CYP4F2: variants seen among roughly 807,000 people sequenced by gnomAD.
CYP4F2 encodes cytochrome P450 4F2.
Under a neutral mutation model 58.9 loss-of-function variants are expected in CYP4F2, and 58 were observed. The ratio of observed to expected loss-of-function variants is 0.98; its 90% CI spans 0.80 to 1.23. The LOEUF (loss-of-function observed/expected upper bound fraction) is 1.23, where lower values mean the gene tolerates loss of function less well. CYP4F2 is among the 50% of genes most tolerant of loss of function. The probability of loss-of-function intolerance (pLI) is 0.00; values close to 1 mark genes in which losing one functional copy is unlikely to be tolerated. For missense variants in CYP4F2, 616 were observed against 685.6 expected (o/e 0.90, Z 1.13); for synonymous variants, 287 against 261.1 (o/e 1.10, Z -0.95).
At chr19:15,886,920 C>T (rs1298014941) in intron 7 of CYP4F2, among the ~76,000 whole-genome samples, 1 of 152,224 alleles carries the variant, frequency 6.6e-6, no homozygotes, top group East Asian at 1.9e-4. Flanking sequence ...GATGCAAACT[C>T]TGCTGCACAT....
Position 15,878,738 on chromosome 19 carries a change from T to A in CYP4F2, c.*33A>T, listed in dbSNP as rs1447277898. 3 of 1,609,062 alleles carry A rather than the reference T, an allele frequency of 1.9e-6. No homozygotes were observed. The highest frequency in any genetic ancestry group is 2.5e-6 in the Non-Finnish European group (3 of 1,177,180). On this transcript the variant is annotated 3_prime_UTR_variant, in exon 13 of 13. Coordinates refer to ENST00000221700, the MANE Select transcript of CYP4F2 (RefSeq NM_001082.5). Reference sequence around the variant, plus strand: ...TTCACTTTTGATGAATCAGGGGTCATTTTAGTGGGGTCAGAGTGGGTCTCT... The same window carrying A: ...TTCACTTTTGATGAATCAGGGGTCAATTTAGTGGGGTCAGAGTGGGTCTCT...
chr19:15,884,116 AAG>A (rs2089361434), intron 9 of CYP4F2, among the ~76,000 whole-genome samples: 1 of 151,890 alleles, frequency 6.6e-6, no homozygotes, highest in Non-Finnish European at 1.5e-5. Flanking sequence ...GGGAGGGAGG[AAG>A]GAAGGAAGGA....
chr19:15,884,739 T>C (rs2089366011), intron 9 of CYP4F2, among the ~76,000 whole-genome samples: 1 of 152,170 alleles, frequency 6.6e-6, no homozygotes, highest in African/African-American at 2.4e-5. Context: ...GGACACTGAA[T>C]CCAAGACATC....
At chr19:15,880,619 A>C (rs1478513966) in intron 9 of CYP4F2, among the ~76,000 whole-genome samples, 3 of 145,160 alleles carry the variant, frequency 2.1e-5, no homozygotes, top group African/African-American at 8.4e-5. Flanking sequence ...TAGAGACTGC[A>C]TCTCAAAAAA....
chr19:15,897,171 A>T (rs2089452710), intron 2 of CYP4F2, among the ~76,000 whole-genome samples: 1 of 152,078 alleles, frequency 6.6e-6, no homozygotes, highest in African/African-American at 2.4e-5. Flanking sequence ...GAGGTGCATT[A>T]ATGTGGGAAG....
intron 2 of CYP4F2, 113 bp from the exon 3 acceptor site, chr19:15,895,763 A>T: frequency 7.5e-7 from 1 of 1,329,712 alleles, no homozygotes; most frequent in Non-Finnish European, 1.0e-6. Context: ...GGGTGTGTCT[A>T]ATCTATTCAT....
At position 15,892,527 on chromosome 19, in the gene CYP4F2, A is replaced by G; in HGVS notation, c.397+2T>C. Reference sequence around the variant, plus strand: ...CAACCCTGTTCACCTGCAGATACTCACCCAGCCAGGGCTCCAGGAAGCTGT... The same window carrying G: ...CAACCCTGTTCACCTGCAGATACTCGCCCAGCCAGGGCTCCAGGAAGCTGT... On this transcript the variant is annotated splice_donor_variant, in intron 4 of 12. Transcript: ENST00000221700. LOFTEE classifies it high-confidence loss of function. 6.2e-7 allele frequency: 1 copy of G among 1,613,348 alleles called. No homozygotes were observed. Among genetic ancestry groups the G allele is most frequent in the Non-Finnish European group, 8.5e-7 (1 of 1,179,842 alleles).
rs1320118725 is a variant in CYP4F2, at chr19:15,896,498, G to A, written c.199-848C>T. Among the ~76,000 whole-genome samples the A allele has an allele frequency of 2.0e-5, 3 of 152,276 alleles. No homozygotes were observed. In the East Asian group the frequency reaches 5.8e-4, roughly 29 times the overall value. On this transcript the variant is annotated intron_variant, in intron 2 of 12. Coordinates refer to ENST00000221700, the MANE Select transcript of CYP4F2 (RefSeq NM_001082.5). ...AGGTCCTCACAGGGGAGATTTGTGGGGAGCAGTATCGCCTCAGGACATGTC... is the reference window on the plus strand; with the variant it reads ...AGGTCCTCACAGGGGAGATTTGTGGAGAGCAGTATCGCCTCAGGACATGTC...
chr19:15,897,903 T>C (rs2089458279), intron 1 of CYP4F2, 123 bp downstream of exon 1: 2 of 354,438 alleles, frequency 5.6e-6, no homozygotes, highest in Non-Finnish European at 1.0e-5. Flanking sequence ...GGGGCTTGGT[T>C]TCAGTTACTC....
Position 15,897,569 on chromosome 19 carries a change from C to T in CYP4F2, c.43G>A (p.Ala15Thr), listed in dbSNP as rs750841607. The change falls in exon 2 of 13, where the codon GCA becomes ACA. Residue 15 changes from alanine to threonine, a missense_variant. Coordinates refer to ENST00000221700, the MANE Select transcript of CYP4F2 (RefSeq NM_001082.5). ...SLSWLGLWPV[A>T]ASPWLLLLLV... ...AGGAGGAGCAGCCAAGGGGATGCTGCCACTGGCCAGAGGCCCAGCCAGGAC... is the reference window on the plus strand; with the variant it reads ...AGGAGGAGCAGCCAAGGGGATGCTGTCACTGGCCAGAGGCCCAGCCAGGAC... The T allele has an allele frequency of 1.2e-6, 2 of 1,613,906 alleles. No individual in the cohort carries two copies. The highest frequency in any genetic ancestry group is 2.2e-5 in the South Asian group (2 of 91,068).
chr19:15,897,833 G>A (rs4646498), intron 1 of CYP4F2, 193 bp downstream of exon 1: 100,640 of 513,488 alleles, frequency 0.2, 9,861 homozygotes, highest in South Asian at 0.28. Flanking sequence ...GAATGGGAAA[G>A]AGAGAGAGAG....
Position 15,886,131 on chromosome 19 carries a change from C to A in CYP4F2, c.986-78G>T, listed in dbSNP as rs1568471168. ...GTAGACAGCACCCATGCATTGAGGGCCTCAGGGAGGATGGGGGAAGGGGGA... is the reference window on the plus strand; with the variant it reads ...GTAGACAGCACCCATGCATTGAGGGACTCAGGGAGGATGGGGGAAGGGGGA... On this transcript the variant is annotated intron_variant, in intron 8 of 12. Transcript: ENST00000221700. 5.0e-6 allele frequency: 8 copies of A among 1,605,402 alleles called. No homozygotes were observed. The East Asian group carries it at 1.8e-4, about 36-fold the overall frequency.
intron 3 of CYP4F2, 76 bp downstream of exon 3, chr19:15,895,430 G>T: frequency 6.9e-7 from 1 of 1,440,468 alleles, no homozygotes. Context: ...AGTACTGCAG[G>T]GCCCACACAG....
At chr19:15,886,331 C>CG (rs774441175) in intron 7 of CYP4F2, 23 bp from the exon 8 acceptor site, 14 of 1,607,304 alleles carry the variant, frequency 8.7e-6, no homozygotes, top group Non-Finnish European at 1.1e-5. Context: ...CAGTAACCCC[C>CG]CCCAACCCCC....
rs898759776 is a variant in CYP4F2, at chr19:15,897,454, T to C, written c.158A>G (p.Gln53Arg). 1.2e-6 allele frequency: 2 copies of C among 1,613,650 alleles called. No homozygotes were observed. The highest frequency in any genetic ancestry group is 2.7e-5 in the African/African-American group (2 of 74,814). The part of the protein sequence containing the change: ...DNCRRLRCFP[Q>R]PPRRNWFWGH... ...CCAAAACCAGTTCCGTCTTGGGGGTTGTGGGAAACACCGAAGGCGGCGGCA... is the reference window on the plus strand; with the variant it reads ...CCAAAACCAGTTCCGTCTTGGGGGTCGTGGGAAACACCGAAGGCGGCGGCA... The change falls in exon 2 of 13, where the codon CAA (glutamine) becomes CGA (arginine). Residue 53 changes from glutamine to arginine, a missense_variant. By Grantham distance (43) the Gln-to-Arg change is conservative. Coordinates refer to ENST00000221700, the MANE Select transcript of CYP4F2 (RefSeq NM_001082.5).
At chr19:15,879,952 C>T (rs1263800036) in intron 9 of CYP4F2, 55 bp from the exon 10 acceptor site, 1 of 1,598,078 alleles carries the variant, frequency 6.3e-7, no homozygotes, top group South Asian at 1.1e-5. Context: ...CACAATTCTC[C>T]AGCTTCTCTC....
Position 15,878,561 on chromosome 19 carries a change from G to T in CYP4F2, c.*210C>A. ...TTCATCTGGTAATATATAGCTTGGG[G>T]TTGTTTTCATCGTTTGGCTACTGTG... On this transcript the variant is annotated 3_prime_UTR_variant, in exon 13 of 13. Coordinates refer to ENST00000221700, the MANE Select transcript of CYP4F2 (RefSeq NM_001082.5). The T allele has an allele frequency of 1.3e-6, 1 of 775,624 alleles. No homozygotes were observed. The highest frequency in any genetic ancestry group is 2.0e-6 in the Non-Finnish European group (1 of 498,902). The allele number at this position is 775,624 out of a possible 1,614,324, so 48.0% of individuals were successfully genotyped here. A position where few individuals can be genotyped will look rare whatever the true frequency, so the allele number is the denominator to read the frequency against.
At position 15,893,323 on chromosome 19, in the gene CYP4F2, T is replaced by C. The variant is rs117661581; in HGVS notation, c.344-741A>G. 1.2e-3 allele frequency among the ~76,000 whole-genome samples: 183 copies of C among 150,674 alleles called. 2 individuals are homozygous for C. The East Asian group carries it at 0.031, about 26-fold the overall frequency. ...CCCCAGACCTCACACAACGCCCAGATGTTTGGACCACCAGGAGAAAACGGC... is the reference window on the plus strand; with the variant it reads ...CCCCAGACCTCACACAACGCCCAGACGTTTGGACCACCAGGAGAAAACGGC... On this transcript the variant is annotated intron_variant, in intron 3 of 12. Transcript: ENST00000221700.
chr19:15,879,896 C>T lies in CYP4F2; in HGVS notation c.1117G>A (p.Asp373Asn), dbSNP rs1205781258. 2 of 1,614,018 alleles carry T rather than the reference C, an allele frequency of 1.2e-6. No individual in the cohort carries two copies. Among genetic ancestry groups the T allele is most frequent in the African/African-American group, 1.3e-5 (1 of 74,922 alleles). The change falls in exon 10 of 13, where the codon GAC (aspartate) becomes AAC (asparagine). Residue 373 changes from aspartate (D) to asparagine (N), a missense_variant and splice_region_variant. Asp to Asn is a conservative substitution (Grantham distance 23, BLOSUM62 1). Transcript: ENST00000221700. ...KDREPKEIEWDDLAHLPFLTM... is the reference protein window; with the variant it reads ...KDREPKEIEWNDLAHLPFLTM... ...AGGAAGGGCAAATGGGCCAGGTCGT[C>T]CCTAAGGAAACACCCCAGCCCCAAT...
Sources: gnomAD v4.1 joint callset for allele counts (sites outside exome capture counted in the v4.1 genomes callset) on GRCh38, gnomAD v4.1.1 for gene constraint, MANE v1.5 for transcripts, NCBI Gene and HGNC (gene_info 2026-07-23, HGNC 2026-07-21) for gene names.